The following NPNT variants were observed in gnomAD, a reference collection of about 807,000 sequenced individuals.
NPNT encodes the protein nephronectin, also known as preosteoblast EGF-like repeat protein with MAM domain.
NPNT carries 45 observed loss-of-function variants against 68.6 expected under a neutral mutation model. The ratio of observed to expected loss-of-function variants is 0.66; its 90% CI spans 0.52 to 0.84. The LOEUF (loss-of-function observed/expected upper bound fraction) is 0.84. Ranked by LOEUF, NPNT falls within the 40% of genes least tolerant of loss-of-function variation. NPNT has a pLI of 0.00. For missense variants in NPNT, 672 were observed against 714.8 expected (o/e 0.94, Z 0.68); for synonymous variants, 233 against 253.3 (o/e 0.92, Z 0.76).
At chr4:105,936,913 TTC>T (rs1479132510) in intron 3 of NPNT, 94 bp from the exon 4 acceptor site, 30 of 1,225,780 alleles carry the variant, frequency 2.4e-5, no homozygotes, top group South Asian at 3.2e-5. Flanking sequence ...TGACCTATTT[TTC>T]TCTTTCATTT....
chr4:105,896,670 A>C (rs1452824434), intron 1 of NPNT, among the ~76,000 whole-genome samples: 1 of 152,164 alleles, frequency 6.6e-6, no homozygotes, highest in Non-Finnish European at 1.5e-5. Flanking sequence ...AAGATGCCGC[A>C]CCTGTTTTAC....
In NPNT at chr4:105,940,553, G is replaced by A; in HGVS notation, c.680G>A (p.Ser227Asn). The A allele has an allele frequency of 6.2e-7, 1 of 1,612,994 alleles. No individual in the cohort carries two copies. Among genetic ancestry groups the A allele is most frequent in the African/African-American group, 1.3e-5 (1 of 75,004 alleles). Reference sequence around the variant, plus strand: ...TCACTTGGTCAGTATCAGTGCAGCAGCTTTGCTCGATGTTATAACATACGT... The same window carrying A: ...TCACTTGGTCAGTATCAGTGCAGCAACTTTGCTCGATGTTATAACATACGT... ...ECSLGQYQCS[S>N]FARCYNIRGS... is the part of the protein sequence containing the mutation. Residue 227 changes from serine to asparagine, a missense_variant, in exon 7 of 12, where the codon AGC (serine) becomes AAC (asparagine). Ser to Asn is a conservative substitution (Grantham distance 46, BLOSUM62 1). Coordinates refer to ENST00000379987, the MANE Select transcript of NPNT (RefSeq NM_001033047.3).
At chr4:105,938,207 G>A in intron 4 of NPNT, 94 bp from the exon 5 acceptor site, 1 of 1,233,624 alleles carries the variant, frequency 8.1e-7, no homozygotes, top group Non-Finnish European at 1.1e-6. Context: ...GTTGTTCAGT[G>A]TCACTGATTT....
intron 10 of NPNT, among the ~76,000 whole-genome samples, chr4:105,964,810 C>A (rs1271202051): frequency 1.3e-5 from 2 of 152,066 alleles, no homozygotes; most frequent in Non-Finnish European, 2.9e-5. Flanking sequence ...TCTTAACATG[C>A]AAATTTGGAA....
chr4:105,945,823 A>G (rs4074127), intron 8 of NPNT, among the ~76,000 whole-genome samples: 132,133 of 152,302 alleles, frequency 0.87, 57,941 homozygotes, highest in East Asian at 1. Flanking sequence ...TACTGTGAAC[A>G]TATCAATGTT....
At chr4:105,914,809 C>T (rs1473561663) in intron 2 of NPNT, among the ~76,000 whole-genome samples, 1 of 151,970 alleles carries the variant, frequency 6.6e-6, no homozygotes, top group African/African-American at 2.4e-5. Flanking sequence ...GAGGGAGGAG[C>T]ACATTCCGAG....
chr4:105,917,129 A>G (rs1000715184), intron 2 of NPNT, among the ~76,000 whole-genome samples: 2 of 152,178 alleles, frequency 1.3e-5, no homozygotes, highest in African/African-American at 4.8e-5. Context: ...TATGGGTAGA[A>G]TCTTGATTAT....
intron 8 of NPNT, among the ~76,000 whole-genome samples, chr4:105,952,055 A>G (rs948387036): frequency 2.6e-5 from 4 of 152,182 alleles, no homozygotes; most frequent in Non-Finnish European, 5.9e-5. Flanking sequence ...ATGTAGTAAT[A>G]ACTTAATACA....
Position 105,967,184 on chromosome 4 carries a change from C to A in NPNT, c.1346-4C>A. On this transcript the variant is annotated splice_region_variant and splice_polypyrimidine_tract_variant and intron_variant, in intron 10 of 11. Coordinates refer to ENST00000379987, the MANE Select transcript of NPNT (RefSeq NM_001033047.3). ...TACACACAGCCCTGCTTTTCCCATT[C>A]CAGGTGGACAATATCTGACAGTGTC... 1 of 1,613,290 alleles carries A rather than the reference C, an allele frequency of 6.2e-7. No individual in the cohort carries two copies. Among genetic ancestry groups the A allele is most frequent in the Middle Eastern group, 1.8e-4 (1 of 5,558 alleles).
chr4:105,898,733 G>A (rs1726163333), intron 2 of NPNT, among the ~76,000 whole-genome samples: 1 of 152,036 alleles, frequency 6.6e-6, no homozygotes, highest in Non-Finnish European at 1.5e-5. Context: ...ATATTTTAAT[G>A]GTAAAATTTA....
At chr4:105,948,357 G>A (rs963345933) in intron 8 of NPNT, among the ~76,000 whole-genome samples, 1 of 152,166 alleles carries the variant, frequency 6.6e-6, no homozygotes, top group Non-Finnish European at 1.5e-5. Flanking sequence ...TGAGGTACAT[G>A]ACTTTGGACT....
chr4:105,968,906 A>G lies in NPNT; in HGVS notation c.1614A>G (p.Lys538=). ...RGADIKSVVF[K]GEKRRGHTGE... The stretch of plus-strand genomic sequence containing the variant: ...CATTCTCTCCCTAGGTCGTCTTCAA[A>G]GGTGAAAAAAGGCGTGGTCACACTG... Residue 538 remains lysine, a synonymous_variant, in exon 12 of 12, where the codon AAA becomes AAG. Transcript: ENST00000379987. 1 of 1,610,702 alleles carries G rather than the reference A, an allele frequency of 6.2e-7. No homozygotes were observed. Among genetic ancestry groups the G allele is most frequent in the South Asian group, 1.1e-5 (1 of 90,858 alleles).
At chr4:105,919,102 G>T (rs946186024) in intron 2 of NPNT, among the ~76,000 whole-genome samples, 6 of 152,056 alleles carry the variant, frequency 3.9e-5, no homozygotes, top group Admixed American at 6.6e-5. Flanking sequence ...AATAATAGTT[G>T]TCTGTGTATT....
chr4:105,896,706 C>G (rs1483852097), intron 1 of NPNT, among the ~76,000 whole-genome samples: 1 of 152,134 alleles, frequency 6.6e-6, no homozygotes, highest in African/African-American at 2.4e-5. Flanking sequence ...GAATCAATTC[C>G]ACAATTGATT....
rs1023893084 is a variant in NPNT, at chr4:105,971,420, A to G, written c.*2430A>G. The stretch of plus-strand genomic sequence containing the variant: ...GAGTAACGGCAGAATATATGGCTGT[A>G]GATCCATTTTTAATGGTTCATTTCC... On this transcript the variant is annotated 3_prime_UTR_variant, in exon 12 of 12. Transcript: ENST00000379987. The G allele has an allele frequency of 2.2e-5, 5 of 224,950 alleles. No individual in the cohort carries two copies. Among genetic ancestry groups the G allele is most frequent in the African/African-American group, 1.1e-4 (5 of 44,896 alleles). 13.9% of individuals were successfully genotyped at this position (224,950 alleles called of 1,614,324 possible).
chr4:105,963,796 G>T (rs1270483193), intron 10 of NPNT, among the ~76,000 whole-genome samples: 2 of 150,746 alleles, frequency 1.3e-5, no homozygotes, highest in Admixed American at 1.3e-4. Flanking sequence ...GTCTATTTCA[G>T]CATTAAAACA....
chr4:105,896,477 G>T (rs1353558438), intron 1 of NPNT, among the ~76,000 whole-genome samples: 1 of 152,154 alleles, frequency 6.6e-6, no homozygotes, highest in Non-Finnish European at 1.5e-5. Context: ...AGAGACACTG[G>T]GTCTGTCGGG....
intron 2 of NPNT, among the ~76,000 whole-genome samples, chr4:105,913,755 T>C (rs1259307392): frequency 6.6e-6 from 1 of 152,196 alleles, no homozygotes; most frequent in African/African-American, 2.4e-5. Flanking sequence ...GTTATTCATT[T>C]CTAAAATCAA....
intron 3 of NPNT, 45 bp downstream of exon 3, chr4:105,927,473 A>G (rs1728777671): frequency 2.6e-6 from 3 of 1,135,666 alleles, no homozygotes; most frequent in Non-Finnish European, 2.6e-6. Context: ...AGACACCTCT[A>G]TCACTCCCAA....
Sources: allele counts gnomAD v4.1 joint callset (sites outside exome capture counted in the v4.1 genomes callset), GRCh38; gene constraint gnomAD v4.1.1; transcripts MANE v1.5; gene names NCBI Gene and HGNC (gene_info 2026-07-23, HGNC 2026-07-21).